Variants in CDKL4 observed in about 807,000 individuals in gnomAD.
The protein encoded by CDKL4 is cyclin-dependent kinase-like 4.
In CDKL4, 44 loss-of-function variants were observed where a neutral mutation model predicts 42.0. That is an observed-to-expected ratio of 1.05 (90% CI 0.82 to 1.35). CDKL4 has a LOEUF of 1.35. Ranked by LOEUF, CDKL4 falls within the 40% of genes most tolerant of loss-of-function variation. CDKL4 has a pLI of 0.00. For synonymous variants in CDKL4, 120 were observed against 121.6 expected (o/e 0.99, Z 0.09); for missense variants, 393 against 369.9 (o/e 1.06, Z -0.51).
At chr2:39,246,333 C>T (rs1469071430), upstream of CDKL4, among the ~76,000 whole-genome samples, 1 of 152,236 alleles carries the variant, frequency 6.6e-6, no homozygotes. Context: ...TCACATCTAT[C>T]CAATTCCTAT....
intron 8 of CDKL4, 116 bp from the exon 9 acceptor site, chr2:39,179,437 G>T: frequency 2.5e-6 from 2 of 814,766 alleles, no homozygotes; most frequent in Non-Finnish European, 3.7e-6. Flanking sequence ...CTTCCAGTTT[G>T]TGTATTATCA....
At chr2:39,242,858 G>A (rs1314347808) in intron 1 of CDKL4, among the ~76,000 whole-genome samples, 1 of 152,146 alleles carries the variant, frequency 6.6e-6, no homozygotes, top group Non-Finnish European at 1.5e-5. Context: ...AGCACTTTGG[G>A]AGGTTGAGGC....
chr2:39,180,899 G>C (rs1242573120), intron 8 of CDKL4, among the ~76,000 whole-genome samples: 2 of 152,132 alleles, frequency 1.3e-5, no homozygotes, highest in African/African-American at 4.8e-5. Context: ...ATGTTGGCCA[G>C]GCGGGTCTCG....
intron 3 of CDKL4, among the ~76,000 whole-genome samples, chr2:39,218,784 C>T (rs1481972602): frequency 1.3e-5 from 2 of 152,188 alleles, no homozygotes; most frequent in African/African-American, 4.8e-5. Context: ...CCTCTGGGGC[C>T]TTAGGACTTG....
intron 4 of CDKL4, 150 bp downstream of exon 4, chr2:39,213,250 G>T (rs1677693402): frequency 1.8e-6 from 1 of 540,874 alleles, no homozygotes; most frequent in Non-Finnish European, 3.4e-6. Flanking sequence ...CTCCCAAGGT[G>T]CTGGGATTAC....
intron 3 of CDKL4, among the ~76,000 whole-genome samples, chr2:39,224,124 G>A (rs1678548827): frequency 6.6e-6 from 1 of 152,072 alleles, no homozygotes; most frequent in Non-Finnish European, 1.5e-5. Flanking sequence ...TATTCATTCT[G>A]GCAAATAGTT....
intron 1 of CDKL4, among the ~76,000 whole-genome samples, chr2:39,237,750 G>T (rs1413110025): frequency 6.6e-6 from 1 of 151,838 alleles, no homozygotes; most frequent in African/African-American, 2.4e-5. Context: ...TTTTAAAAAA[G>T]AAAATAAAAA....
At chr2:39,209,399 CTGGGTTCATTA>C (rs1677442643) in intron 4 of CDKL4, among the ~76,000 whole-genome samples, 1 of 152,036 alleles carries the variant, frequency 6.6e-6, no homozygotes, top group Admixed American at 6.6e-5. Context: ...ATAAAAATCC[CTGGGTTCATTA>C]TGGCGTTAAA....
At chr2:39,204,566 T>C (rs1372188275) in exon 5 of CDKL4, 1 of 1,610,076 alleles carries the variant, frequency 6.2e-7, no homozygotes, top group Non-Finnish European at 8.5e-7. Flanking sequence ...ATCTTGATTA[T>C]TCCTTGCTTA....
At chr2:39,219,807 A>G (rs72921028) in intron 3 of CDKL4, among the ~76,000 whole-genome samples, 3,255 of 152,310 alleles carry the variant, frequency 0.021, 109 homozygotes, top group African/African-American at 0.075. Context: ...AGTGTGATAG[A>G]ACAATATGGG....
chr2:39,193,793 T>C (rs898104007), intron 5 of CDKL4, among the ~76,000 whole-genome samples: 2 of 152,236 alleles, frequency 1.3e-5, no homozygotes, highest in African/African-American at 4.8e-5. Context: ...AGTGAACCTT[T>C]TGGAATAGAA....
At chr2:39,202,209 G>C (rs1194873644) in intron 5 of CDKL4, among the ~76,000 whole-genome samples, 1 of 151,926 alleles carries the variant, frequency 6.6e-6, no homozygotes, top group African/African-American at 2.4e-5. Flanking sequence ...TCCAGCCTGG[G>C]CAACAGAGCA....
chr2:39,200,528 C>T (rs1269805253), intron 5 of CDKL4, among the ~76,000 whole-genome samples: 1 of 152,000 alleles, frequency 6.6e-6, no homozygotes, highest in African/African-American at 2.4e-5. Context: ...GCCCACTAGC[C>T]AGAGCAAGAC....
At chr2:39,176,210 A>C (rs548170698) in intron 9 of CDKL4, 114 bp from the exon 10 acceptor site, 1 of 338,672 alleles carries the variant, frequency 3.0e-6, no homozygotes, top group African/African-American at 2.1e-5. Flanking sequence ...AGATGTCAAA[A>C]GACATCAATT....
the CDKL4 span, among the ~76,000 whole-genome samples, chr2:39,170,016 A>G: frequency 6.6e-5 from 10 of 151,514 alleles, no homozygotes; most frequent in African/African-American, 1.9e-4. Context: ...CCACGCCACC[A>G]CTCCTGGCTA....
At chr2:39,234,049 G>A (rs1679228642) in intron 1 of CDKL4, among the ~76,000 whole-genome samples, 1 of 151,680 alleles carries the variant, frequency 6.6e-6, no homozygotes, top group African/African-American at 2.4e-5. Context: ...GAATAGCTGG[G>A]ACTACAGGCG....
chr2:39,185,619 G>A lies in CDKL4; in HGVS notation c.736-972C>T, dbSNP rs562126480. ...CTGGGACTACAGGCGCCCACCACAC[G>A]CCCGGCTAATTTTTTGTACTTTTAG... On this transcript the variant is annotated intron_variant, in intron 7 of 9. Transcript: ENST00000451199. 4.6e-5 allele frequency among the ~76,000 whole-genome samples: 7 copies of A among 150,632 alleles called. No individual in the cohort carries two copies. The East Asian group carries it at 7.8e-4, about 17-fold the overall frequency.
intron 5 of CDKL4, among the ~76,000 whole-genome samples, chr2:39,200,726 CATA>C (rs2148326584): frequency 6.6e-6 from 1 of 152,126 alleles, no homozygotes; most frequent in African/African-American, 2.4e-5. Flanking sequence ...CAAACAAAAA[CATA>C]AAGTGATGAA....
At chr2:39,219,778 G>A (rs1678188663) in intron 3 of CDKL4, among the ~76,000 whole-genome samples, 1 of 152,104 alleles carries the variant, frequency 6.6e-6, no homozygotes, top group Non-Finnish European at 1.5e-5. Flanking sequence ...CCTATTCAAG[G>A]CAAGGCTTTG....
Sources: gnomAD v4.1 joint callset for allele counts (sites outside exome capture counted in the v4.1 genomes callset) on GRCh38, gnomAD v4.1.1 for gene constraint, MANE v1.5 for transcripts, NCBI Gene and HGNC (gene_info 2026-07-23, HGNC 2026-07-21) for gene names.